Variants in LRRC8A observed in about 807,000 individuals in gnomAD.
LRRC8A encodes the protein volume-regulated anion channel subunit LRRC8A.
A neutral mutation model predicts 52.5 loss-of-function variants in LRRC8A; 24 were observed. The ratio of observed to expected loss-of-function variants is 0.46; its 90% CI spans 0.33 to 0.64. The LOEUF (loss-of-function observed/expected upper bound fraction) is 0.64. Ranked by LOEUF, LRRC8A falls within the 30% of genes least tolerant of loss-of-function variation. LRRC8A has a pLI of 0.02. For missense variants in LRRC8A, 677 were observed against 1,094.7 expected, an observed-to-expected ratio of 0.62 and a Z score of 5.38; for synonymous variants, 492 against 494.2, an observed-to-expected ratio of 1.00 and a Z score of 0.06.
chr9:128,907,335 T>G lies in LRRC8A; in HGVS notation c.171T>G (p.Cys57Trp). The G allele has an allele frequency of 6.2e-7, 1 of 1,613,816 alleles. No individual in the cohort carries two copies. Among genetic ancestry groups the G allele is most frequent in the Non-Finnish European group, 8.5e-7 (1 of 1,179,996 alleles). Residue 57 changes from cysteine to tryptophan, a missense_variant, in exon 3 of 4, where the codon TGT becomes TGG. Around this residue, in one of 4 missense-constraint regions of LRRC8A, gnomAD observed 32 missense variants for 86.0 expected, o/e 0.37. Transcript: ENST00000372600. This position sits in a 1 kb window ranked among gnomAD's most constrained non-coding sequence, Gnocchi z 9.3. ...AAGACAAGATGATCTGCCTGCCTTG[T>G]AAGTGGGTCACCAAGGACTCCTGCA... ...VTQDKMICLP[C>W]KWVTKDSCND...
At chr9:128,883,037 G>C in intron 1 of LRRC8A, 2 of 351,116 alleles carry the variant, frequency 5.7e-6, no homozygotes, top group Non-Finnish European at 5.1e-6. Flanking sequence ...GGTGAACCGA[G>C]GTCTGCCGGT....
chr9:128,890,582 C>T (rs1420892662), intron 2 of LRRC8A, among the ~76,000 whole-genome samples: 1 of 152,200 alleles, frequency 6.6e-6, no homozygotes, highest in African/African-American at 2.4e-5. Flanking sequence ...CAGCTGACTC[C>T]ATGAGTCAGG....
chr9:128,909,204 G>A lies in LRRC8A; in HGVS notation c.2040G>A (p.Gln680=). 1 of 1,614,146 alleles carries A rather than the reference G, an allele frequency of 6.2e-7. No individual in the cohort carries two copies. The highest frequency in any genetic ancestry group is 8.5e-7 in the Non-Finnish European group (1 of 1,180,046). Residue 680 remains glutamine (Q), a synonymous_variant, in exon 3 of 4, where the codon CAG becomes CAA. Transcript: ENST00000372600. ...ACAAGATCGAGAAGATCCCCACCCA[G>A]CTCTTCTACTGCCGCAAGCTGCGCT... ...NRNKIEKIPT[Q]LFYCRKLRYL... is the part of the protein sequence containing the mutation.
At position 128,892,214 on chromosome 9, in the gene LRRC8A, T is replaced by C. The variant is rs560522799; in HGVS notation, c.-9+6093T>C. 6.6e-6 allele frequency among the ~76,000 whole-genome samples: 1 copy of C among 152,310 alleles called. No individual in the cohort carries two copies. The highest frequency in any genetic ancestry group is 2.4e-5 in the African/African-American group (1 of 41,582). On this transcript the variant is annotated intron_variant, in intron 2 of 3. Transcript: ENST00000372600. This position sits in a 1 kb window ranked among gnomAD's most constrained non-coding sequence, Gnocchi z 5.2. ...GTTGGGAGATGGGGCAAGGACATAC[T>C]GGGCACTTAGTTGACGGTCAGTAAC...
In LRRC8A at chr9:128,892,701, CA is replaced by C. The variant is rs962816905; in HGVS notation, c.-9+6581del. ...CTCTCCTCCCACTCTGGCTCTGGGA[CA>C]GGGGAAGCACATGACCCATGGCCCG... is the stretch of plus-strand genomic sequence containing the variant. On this transcript the variant is annotated intron_variant, in intron 2 of 3. Transcript: ENST00000372600. This position sits in a 1 kb window ranked among gnomAD's most constrained non-coding sequence, Gnocchi z 5.2. Among the ~76,000 whole-genome samples the C allele has an allele frequency of 6.6e-6, 1 of 152,164 alleles. No homozygotes were observed. The highest frequency in any genetic ancestry group is 1.5e-5 in the Non-Finnish European group (1 of 68,012).
In LRRC8A at chr9:128,916,378, C is replaced by A. The variant is rs1285907709; in HGVS notation, c.*7C>A. On this transcript the variant is annotated 3_prime_UTR_variant, in exon 4 of 4. Coordinates refer to ENST00000372600, the MANE Select transcript of LRRC8A (RefSeq NM_019594.4). The surrounding 1 kb of genome is among the most constrained non-coding windows in gnomAD (Gnocchi z 6.1). ...TGACAAGGAGCAGGCCTGAGCGAGGCCGGCCCAGCACAGCAAGCAGCAGGA... is the reference window on the plus strand; with the variant it reads ...TGACAAGGAGCAGGCCTGAGCGAGGACGGCCCAGCACAGCAAGCAGCAGGA... 3 of 1,605,870 alleles carry A rather than the reference C, an allele frequency of 1.9e-6. No homozygotes were observed. The highest frequency in any genetic ancestry group is 2.6e-6 in the Non-Finnish European group (3 of 1,176,224).
At chr9:128,900,176 C>T (rs1472788365) in intron 2 of LRRC8A, among the ~76,000 whole-genome samples, 2 of 152,240 alleles carry the variant, frequency 1.3e-5, no homozygotes, top group Non-Finnish European at 2.9e-5. Flanking sequence ...CCAGCCCCAA[C>T]CCACATCCAC....
intron 2 of LRRC8A, among the ~76,000 whole-genome samples, chr9:128,903,660 G>T (rs963703350): frequency 6.6e-6 from 1 of 151,632 alleles, no homozygotes; most frequent in Admixed American, 6.6e-5. Context: ...TGATCCGCCC[G>T]CCTTGGCCTC....
intron 2 of LRRC8A, among the ~76,000 whole-genome samples, chr9:128,900,739 T>C (rs58824245): frequency 0.084 from 12,762 of 152,180 alleles, 829 homozygotes; most frequent in African/African-American, 0.18. Context: ...ATTTAGTTCC[T>C]AAGACTTGCT....
chr9:128,887,289 G>T (rs959018760), intron 2 of LRRC8A, among the ~76,000 whole-genome samples: 2 of 152,024 alleles, frequency 1.3e-5, no homozygotes, highest in African/African-American at 4.8e-5. Flanking sequence ...CTCCCAACTA[G>T]CTGGGACTGC....
At chr9:128,882,843 C>T in intron 1 of LRRC8A, 1 of 398,754 alleles carries the variant, frequency 2.5e-6, no homozygotes, top group African/African-American at 2.1e-5. Flanking sequence ...TGTCCCAGTC[C>T]TGTGCATTCA....
chr9:128,893,601 C>T (rs753349618), intron 2 of LRRC8A, among the ~76,000 whole-genome samples: 3 of 151,988 alleles, frequency 2.0e-5, no homozygotes, highest in African/African-American at 4.8e-5. Flanking sequence ...GTGAGTGTTA[C>T]GAGGCAGGGC....
In LRRC8A at chr9:128,917,037, T is replaced by G. The variant is rs1422589273; in HGVS notation, c.*666T>G. The G allele has an allele frequency of 1.6e-4, 23 of 145,754 alleles. No individual in the cohort carries two copies. The highest frequency in any genetic ancestry group is 8.8e-4 in the South Asian group (4 of 4,570). 9.0% of individuals were successfully genotyped at this position (145,754 alleles called of 1,614,324 possible). ...TGGCAGTTTTAGTTTTTTGTTTTTT[T>G]TTTTTTAATCAAAAAACAATTTTTT... On this transcript the variant is annotated 3_prime_UTR_variant, in exon 4 of 4. Coordinates refer to ENST00000372600, the MANE Select transcript of LRRC8A (RefSeq NM_019594.4).
At chr9:128,915,960 G>T in intron 3 of LRRC8A, 136 bp from the exon 4 acceptor site, 1 of 1,089,318 alleles carries the variant, frequency 9.2e-7, no homozygotes, top group Non-Finnish European at 1.3e-6. Flanking sequence ...CCAGAGTTTG[G>T]CCCAGATTGT....
At position 128,899,057 on chromosome 9, in the gene LRRC8A, C is replaced by T. The variant is rs576003608; in HGVS notation, c.-8-8100C>T. ...GCAGTCACAGCCCAGCAGTCTGACG[C>T]GGGGGTGGGCAGCTGAGGGGGAAGG... On this transcript the variant is annotated intron_variant, in intron 2 of 3. Transcript: ENST00000372600. This position sits in a 1 kb window ranked among gnomAD's most constrained non-coding sequence, Gnocchi z 4.0. Among the ~76,000 whole-genome samples, 9 of 152,250 alleles carry T rather than the reference C, an allele frequency of 5.9e-5. No homozygotes were observed. The highest frequency in any genetic ancestry group is 6.5e-5 in the Admixed American group (1 of 15,290).
At chr9:128,903,437 G>A (rs1400319833) in intron 2 of LRRC8A, among the ~76,000 whole-genome samples, 2 of 148,208 alleles carry the variant, frequency 1.3e-5, no homozygotes, top group African/African-American at 5.0e-5. Flanking sequence ...TTTTGAGTCG[G>A]CACCTCGCTC....
chr9:128,913,793 T>C (rs1337406528), intron 3 of LRRC8A, among the ~76,000 whole-genome samples: 1 of 152,160 alleles, frequency 6.6e-6, no homozygotes, highest in South Asian at 2.1e-4. Flanking sequence ...CCACTTCCTG[T>C]CTACCCTCTG....
rs963721333 is a variant in LRRC8A at position 128,903,557 on chromosome 9, C to T, written c.-8-3600C>T. On this transcript the variant is annotated intron_variant, in intron 2 of 3. Transcript: ENST00000372600. ...CCTTCCAAGCAGCTGGGACTACAGG[C>T]GCCTGCCACTATGCCCGGCTAATTT... Among the ~76,000 whole-genome samples, 8 of 151,806 alleles carry T rather than the reference C, an allele frequency of 5.3e-5. No individual in the cohort carries two copies. The South Asian group carries it at 6.2e-4, about 12-fold the overall frequency.
intron 3 of LRRC8A, among the ~76,000 whole-genome samples, chr9:128,915,626 A>AG (rs1264224440): frequency 6.6e-6 from 1 of 152,132 alleles, no homozygotes; most frequent in Non-Finnish European, 1.5e-5. Context: ...CACCCGGCCT[A>AG]GGGGGTGGAT....
Sources: gnomAD v4.1 joint callset for allele counts (sites outside exome capture counted in the v4.1 genomes callset) on GRCh38, gnomAD v4.1.1 for gene constraint, gnomAD v4.1.1 regional missense constraint, Gnocchi (gnomAD v3.1) non-coding constraint, MANE v1.5 for transcripts, NCBI Gene and HGNC (gene_info 2026-07-23, HGNC 2026-07-21) for gene names.